TTN: variants seen among roughly 807,000 people sequenced by gnomAD.
The protein encoded by TTN is connectin.
Under a neutral mutation model 3,223.0 loss-of-function variants are expected in TTN, and 1,525 were observed. The observed-to-expected ratio is 0.47, with a 90% CI of 0.45 to 0.49. The LOEUF (loss-of-function observed/expected upper bound fraction) is 0.49, where lower values mean the gene tolerates loss of function less well. Ranked by LOEUF, TTN falls within the 20% of genes least tolerant of loss-of-function variation. TTN has a pLI of 0.00. For synonymous variants in TTN, 14,094 were observed against 15,161.0 expected (o/e 0.93, Z 5.17); for missense variants, 40,786 against 43,424.0 (o/e 0.94, Z 5.40).
In TTN at chr2:178,535,270, G is replaced by A. The variant is rs771566432; in HGVS notation, c.101345C>T (p.Thr33782Ile). The A allele has an allele frequency of 4.3e-6, 7 of 1,613,726 alleles. No homozygotes were observed. In the African/African-American group the frequency reaches 9.3e-5, roughly 22 times the overall value. ...KPSEPSEPTI[T>I]KEDKTRAMNY... is the part of the protein sequence containing the mutation. ...CATAGCTCTGGTCTTATCTTCTTTG[G>A]TTATGGTTGGTTCTGAAGGCTCTGA... The change falls in exon 358 of 363, where the codon ACC becomes ATC. Residue 33782 changes from threonine to isoleucine, a missense_variant. Transcript: ENST00000589042.
At chr2:178,713,784 A>G in intron 92 of TTN, 113 bp downstream of exon 92, 1 of 1,341,784 alleles carries the variant, frequency 7.5e-7, no homozygotes, top group Non-Finnish European at 1.0e-6. Context: ...GCTGATTCAG[A>G]AGATGTCGGA....
At chr2:178,685,177 A>C (rs2070526230) in intron 129 of TTN, 76 bp downstream of exon 129, 2 of 1,298,556 alleles carry the variant, frequency 1.5e-6, no homozygotes, top group Non-Finnish European at 2.1e-6. Context: ...TATGCATAAG[A>C]CAGTTATGCA....
intron 362 of TTN, 54 bp from the exon 363 acceptor site, chr2:178,527,361 A>G: frequency 6.4e-7 from 1 of 1,562,158 alleles, no homozygotes; most frequent in Non-Finnish European, 8.6e-7. Context: ...AAAAATAAAG[A>G]TTTGCTTTCT....
chr2:178,718,263 T>C, intron 85 of TTN, 42 bp from the exon 86 acceptor site: 1 of 1,594,906 alleles, frequency 6.3e-7, no homozygotes, highest in Non-Finnish European at 8.5e-7. Context: ...AGTCATGCCA[T>C]GTAAAAGAGG....
At chr2:178,708,943 T>A (rs933909402) in intron 99 of TTN, among the ~76,000 whole-genome samples, 3 of 152,178 alleles carry the variant, frequency 2.0e-5, no homozygotes, top group African/African-American at 7.2e-5. Flanking sequence ...GATAAAGATA[T>A]CCTTAAACAA....
rs397517772 is a variant in TTN, at chr2:178,540,307, G to A, written c.97859C>T (p.Ala32620Val). ...TCCTTCATCTTCTGGAACACTCCAG[G>A]CCAGGGAGACTGATGTCCTTGTTGT... ...TDTTRTSVSL[A>V]WSVPEDEGGS... The change falls in exon 351 of 363, where the codon GCC becomes GTC. Residue 32620 changes from alanine (A) to valine (V), a missense_variant. By Grantham distance (64) the Ala-to-Val change is moderately conservative. Transcript: ENST00000589042. 1.4e-4 allele frequency: 229 copies of A among 1,613,584 alleles called. No individual in the cohort carries two copies. Among genetic ancestry groups the A allele is most frequent in the Non-Finnish European group, 5.3e-5 (63 of 1,179,720 alleles).
At position 178,696,001 on chromosome 2, in the gene TTN, G is replaced by A. The variant is rs368973334; in HGVS notation, c.31071C>T (p.His10357=). Residue 10357 remains histidine, a synonymous_variant, in exon 114 of 363, where the codon CAC becomes CAT. Coordinates refer to ENST00000589042, the MANE Select transcript of TTN (RefSeq NM_001267550.2). ...EIKVEAKKEV[H]EEWEEDFEEG... Reference sequence around the variant, plus strand: ...CTTCAAAATCTTCTTCCCATTCCTCGTGAACTTCTTTTTTAGCTTCTACCT... The same window carrying A: ...CTTCAAAATCTTCTTCCCATTCCTCATGAACTTCTTTTTTAGCTTCTACCT... The A allele has an allele frequency of 6.3e-5, 98 of 1,545,176 alleles. No homozygotes were observed. The highest frequency in any genetic ancestry group is 1.8e-4 in the Admixed American group (9 of 50,496).
chr2:178,592,169 T>G lies in TTN; in HGVS notation c.59735A>C (p.Tyr19912Ser). ...LDDGGSVITN[Y>S]VVERRDVASA... Reference sequence around the variant, plus strand: ...GGCAACATCTCTCCTCTCAACCACATAATTGGTAATAACAGAACCACCATC... The same window carrying G: ...GGCAACATCTCTCCTCTCAACCACAGAATTGGTAATAACAGAACCACCATC... Residue 19912 changes from tyrosine (Y) to serine (S), a missense_variant, in exon 302 of 363, where the codon TAT (tyrosine) becomes TCT (serine). Tyr to Ser is a moderately radical substitution (Grantham distance 144, BLOSUM62 -2). Coordinates refer to ENST00000589042, the MANE Select transcript of TTN (RefSeq NM_001267550.2). The G allele has an allele frequency of 6.2e-7, 1 of 1,612,826 alleles. No individual in the cohort carries two copies. Among genetic ancestry groups the G allele is most frequent in the Non-Finnish European group, 8.5e-7 (1 of 1,179,438 alleles).
Position 178,638,570 on chromosome 2 carries a change from A to G in TTN, c.40876+1129T>C, listed in dbSNP as rs1456530926. On this transcript the variant is annotated intron_variant, in intron 223 of 362. Coordinates refer to ENST00000589042, the MANE Select transcript of TTN (RefSeq NM_001267550.2). The stretch of plus-strand genomic sequence containing the variant: ...CAAATAGTTCTCTTTTTTTTTTTTT[A>G]AATTCACCCTGAATTTTTTATTTTG... 2.0e-5 allele frequency among the ~76,000 whole-genome samples: 3 copies of G among 147,216 alleles called. No homozygotes were observed. In the South Asian group the frequency reaches 6.5e-4, roughly 32 times the overall value.
At chr2:178,747,263 T>A (rs765202627) in intron 47 of TTN, 3 of 1,613,130 alleles carry the variant, frequency 1.9e-6, no homozygotes, top group East Asian at 4.5e-5. Context: ...TTCTCCTACC[T>A]CACCTTCGGA....
intron 92 of TTN, 67 bp downstream of exon 92, chr2:178,713,830 T>C (rs1231390843): frequency 5.8e-6 from 9 of 1,556,950 alleles, no homozygotes; most frequent in South Asian, 2.5e-5. Context: ...ACAACCCATA[T>C]ACATTTATGA....
At chr2:178,768,648 G>T in intron 38 of TTN, 25 bp downstream of exon 38, 1 of 1,612,328 alleles carries the variant, frequency 6.2e-7, no homozygotes, top group Non-Finnish European at 8.5e-7. Flanking sequence ...TTTTTTCTAT[G>T]GATCTAATAT....
intron 47 of TTN, chr2:178,746,146 CAT>C (rs1249647671): frequency 2.5e-6 from 4 of 1,613,270 alleles, no homozygotes; most frequent in Non-Finnish European, 3.4e-6. Context: ...GCTCAATACA[CAT>C]ATATTCTTTA....
chr2:178,730,840 A>C (rs774137999), intron 60 of TTN, 48 bp from the exon 61 acceptor site: 1 of 1,532,810 alleles, frequency 6.5e-7, no homozygotes, highest in Admixed American at 2.2e-5. Context: ...CAATCTACTA[A>C]TTTGTTTTTG....
intron 47 of TTN, chr2:178,747,005 G>T: frequency 6.2e-7 from 1 of 1,613,444 alleles, no homozygotes; most frequent in Non-Finnish European, 8.5e-7. Flanking sequence ...TGATGGATAT[G>T]TTTTAAAAGT....
At chr2:178,791,941 T>C (rs762918297) in intron 10 of TTN, 131 bp downstream of exon 10, 211 of 950,632 alleles carry the variant, frequency 2.2e-4, no homozygotes, top group Non-Finnish European at 3.1e-4. Flanking sequence ...ATACTAGACA[T>C]AGAGGAACAA....
Position 178,528,689 on chromosome 2 carries a change from ACTTGACG to A in TTN, c.107055_107061del (p.Lys35687SerfsTer4). 6.2e-7 allele frequency: 1 copy of A among 1,613,540 alleles called. No individual in the cohort carries two copies. Among genetic ancestry groups the A allele is most frequent in the South Asian group, 1.1e-5 (1 of 91,000 alleles). ...TTGCTCAGTGTCAAATCATACTGAC[ACTTGACG>A]ATTCCTTCCTTGGTTTTGCTTATGC... On this transcript the variant is annotated frameshift_variant, in exon 360 of 363. Coordinates refer to ENST00000589042, the MANE Select transcript of TTN (RefSeq NM_001267550.2). LOFTEE classifies it high-confidence loss of function.
chr2:178,802,807 G>T (rs1263645182), intron 2 of TTN, among the ~76,000 whole-genome samples: 1 of 152,212 alleles, frequency 6.6e-6, no homozygotes, highest in Non-Finnish European at 1.5e-5. Context: ...AGCCCAGGAG[G>T]CATGCCCTCC....
intron 250 of TTN, 44 bp from the exon 251 acceptor site, chr2:178,618,897 T>C: frequency 6.3e-7 from 1 of 1,585,808 alleles, no homozygotes; most frequent in Non-Finnish European, 8.5e-7. Context: ...CTATTAAACG[T>C]AGCCAAGCTA....
Sources: gnomAD v4.1 joint callset for allele counts (sites outside exome capture counted in the v4.1 genomes callset) on GRCh38, gnomAD v4.1.1 for gene constraint, MANE v1.5 for transcripts, NCBI Gene and HGNC (gene_info 2026-07-23, HGNC 2026-07-21) for gene names.